The following LRRTM4 variants were observed in gnomAD, a reference collection of about 807,000 sequenced individuals.
LRRTM4 encodes leucine-rich repeat transmembrane neuronal protein 4.
LRRTM4 carries 25 observed loss-of-function variants against 47.6 expected under a neutral mutation model. The observed-to-expected ratio is 0.53, with a 90% CI of 0.38 to 0.73. The LOEUF (loss-of-function observed/expected upper bound fraction) is 0.73. Ranked by LOEUF, LRRTM4 falls within the 30% of genes least tolerant of loss-of-function variation. The probability of loss-of-function intolerance (pLI) is 0.00; values close to 1 mark genes in which losing one functional copy is unlikely to be tolerated. For synonymous variants in LRRTM4, 311 were observed against 269.5 expected (o/e 1.15, Z -1.51); for missense variants, 638 against 713.4 (o/e 0.89, Z 1.20).
intron 3 of LRRTM4, among the ~76,000 whole-genome samples, chr2:77,513,606 T>C (rs1679101101): frequency 6.6e-6 from 1 of 152,108 alleles, no homozygotes; most frequent in African/African-American, 2.4e-5. Context: ...TCTTGTTCTG[T>C]TGCCCAGGCA....
At chr2:76,808,414 T>C (rs1307986700) in intron 3 of LRRTM4, among the ~76,000 whole-genome samples, 1 of 148,844 alleles carries the variant, frequency 6.7e-6, no homozygotes, top group East Asian at 2.0e-4. Context: ...ATTTTCCAAC[T>C]GCATTGAAAA....
chr2:77,120,053 C>T (rs1483280523), intron 3 of LRRTM4, among the ~76,000 whole-genome samples: 2 of 151,770 alleles, frequency 1.3e-5, no homozygotes, highest in Non-Finnish European at 3.0e-5. Context: ...TGTAGTGACT[C>T]AGTGATCCAG....
At chr2:76,930,824 T>C (rs555184814) in intron 3 of LRRTM4, among the ~76,000 whole-genome samples, 16 of 152,310 alleles carry the variant, frequency 1.1e-4, no homozygotes, top group African/African-American at 3.4e-4. Flanking sequence ...CAATGATGAA[T>C]AAATTAGAAA....
intron 3 of LRRTM4, among the ~76,000 whole-genome samples, chr2:77,052,903 T>C (rs1379633643): frequency 6.6e-6 from 1 of 152,126 alleles, no homozygotes; most frequent in African/African-American, 2.4e-5. Context: ...AGCTTTCCAT[T>C]TGAATTCACT....
chr2:77,063,983 G>A (rs1679874823), intron 3 of LRRTM4, among the ~76,000 whole-genome samples: 1 of 152,038 alleles, frequency 6.6e-6, no homozygotes. Context: ...AGTGAGAAAA[G>A]ACATTAAGTT....
chr2:77,222,416 G>T (rs1014055010), intron 3 of LRRTM4, among the ~76,000 whole-genome samples: 5 of 152,120 alleles, frequency 3.3e-5, no homozygotes, highest in African/African-American at 1.2e-4. Context: ...ATGAATCCAG[G>T]AGCTGGTTTT....
intron 3 of LRRTM4, among the ~76,000 whole-genome samples, chr2:77,077,036 A>G (rs183285834): frequency 1.7e-3 from 262 of 152,226 alleles, no homozygotes; most frequent in African/African-American, 5.9e-3. Flanking sequence ...CCCTTCCCCA[A>G]CAGCTTATTT....
intron 3 of LRRTM4, among the ~76,000 whole-genome samples, chr2:76,911,635 A>G (rs749208074): frequency 1.3e-5 from 2 of 152,098 alleles, no homozygotes; most frequent in Non-Finnish European, 2.9e-5. Flanking sequence ...AGAGAGAGAA[A>G]AGAAAGAGCC....
chr2:77,044,076 G>T (rs1208199295), intron 3 of LRRTM4, among the ~76,000 whole-genome samples: 1 of 151,280 alleles, frequency 6.6e-6, no homozygotes, highest in South Asian at 2.1e-4. Flanking sequence ...AATAAATAAA[G>T]ACAAAAATTA....
chr2:77,238,206 A>G (rs1675160032), intron 3 of LRRTM4, among the ~76,000 whole-genome samples: 1 of 152,154 alleles, frequency 6.6e-6, no homozygotes, highest in Non-Finnish European at 1.5e-5. Context: ...CTTCACTGTA[A>G]CAATTATTTT....
chr2:77,143,211 G>T (rs578002541), intron 3 of LRRTM4, among the ~76,000 whole-genome samples: 1 of 152,224 alleles, frequency 6.6e-6, no homozygotes, highest in South Asian at 2.1e-4. Flanking sequence ...AAAAGATCCA[G>T]AATTCATATC....
At chr2:77,220,578 T>C (rs1418578559) in intron 3 of LRRTM4, among the ~76,000 whole-genome samples, 1 of 152,054 alleles carries the variant, frequency 6.6e-6, no homozygotes, top group East Asian at 1.9e-4. Flanking sequence ...CAGTAACCGA[T>C]GTGATCAACT....
At chr2:76,930,901 T>C (rs557554885) in intron 3 of LRRTM4, among the ~76,000 whole-genome samples, 1 of 152,236 alleles carries the variant, frequency 6.6e-6, no homozygotes, top group Non-Finnish European at 1.5e-5. Flanking sequence ...TTACATTCTT[T>C]ATAATTTTCT....
chr2:76,811,108 C>A (rs1670718994), intron 3 of LRRTM4, among the ~76,000 whole-genome samples: 1 of 152,136 alleles, frequency 6.6e-6, no homozygotes, highest in Non-Finnish European at 1.5e-5. Flanking sequence ...CACACTTTAG[C>A]CTCCTCCTTA....
At chr2:76,768,525 G>C (rs1673545783) in intron 3 of LRRTM4, among the ~76,000 whole-genome samples, 1 of 152,060 alleles carries the variant, frequency 6.6e-6, no homozygotes, top group Admixed American at 6.6e-5. Context: ...AATTATCCAT[G>C]CTTGGGGAAA....
chr2:76,942,991 T>C (rs1185360535), intron 3 of LRRTM4, among the ~76,000 whole-genome samples: 1 of 152,134 alleles, frequency 6.6e-6, no homozygotes, highest in African/African-American at 2.4e-5. Flanking sequence ...TCCCTTTCTA[T>C]ACAAAAGAAC....
intron 3 of LRRTM4, among the ~76,000 whole-genome samples, chr2:77,206,755 A>T (rs1018353995): frequency 6.6e-6 from 1 of 152,094 alleles, no homozygotes; most frequent in Non-Finnish European, 1.5e-5. Context: ...AAGTGCTGGG[A>T]CTACAGGTGT....
intron 3 of LRRTM4, among the ~76,000 whole-genome samples, chr2:76,926,808 A>G (rs1191456587): frequency 6.6e-6 from 1 of 152,108 alleles, no homozygotes; most frequent in Non-Finnish European, 1.5e-5. Flanking sequence ...TAAATTATCC[A>G]GGCTGTAGTA....
At chr2:77,021,475 T>C (rs1401487061) in intron 3 of LRRTM4, among the ~76,000 whole-genome samples, 1 of 152,188 alleles carries the variant, frequency 6.6e-6, no homozygotes, top group Non-Finnish European at 1.5e-5. Flanking sequence ...TGACATATTT[T>C]GGTCAAAGGG....
Sources: gnomAD v4.1 joint callset for allele counts (sites outside exome capture counted in the v4.1 genomes callset) on GRCh38, gnomAD v4.1.1 for gene constraint, MANE v1.5 for transcripts, NCBI Gene and HGNC (gene_info 2026-07-23, HGNC 2026-07-21) for gene names.